ADAM32: variants seen among roughly 807,000 people sequenced by gnomAD.
ADAM32 encodes the protein ADAM metallopeptidase domain 32.
A neutral mutation model predicts 114.9 loss-of-function variants in ADAM32; 89 were observed. That is an observed-to-expected ratio of 0.77 (90% CI 0.65 to 0.92). The LOEUF is 0.92. Among genes scored for constraint, ADAM32 ranks in the 40% least tolerant of loss-of-function variants. ADAM32 has a pLI of 0.00. For missense variants in ADAM32, 870 were observed against 932.8 expected (o/e 0.93, Z 0.88); for synonymous variants, 285 against 307.5 (o/e 0.93, Z 0.77).
chr8:39,199,697 G>A (rs1048660870), intron 11 of ADAM32, among the ~76,000 whole-genome samples: 10 of 151,896 alleles, frequency 6.6e-5, no homozygotes, highest in Middle Eastern at 6.8e-3. Flanking sequence ...ATGTATACAT[G>A]TGCCATGTTG....
chr8:39,263,932 A>G (rs1213483795), intron 19 of ADAM32, among the ~76,000 whole-genome samples: 2 of 152,206 alleles, frequency 1.3e-5, no homozygotes, highest in African/African-American at 4.8e-5. Flanking sequence ...TAATTTACAC[A>G]TATTTTCAGT....
chr8:39,255,386 A>G (rs1439426485), intron 18 of ADAM32, among the ~76,000 whole-genome samples: 1 of 151,988 alleles, frequency 6.6e-6, no homozygotes, highest in Non-Finnish European at 1.5e-5. Flanking sequence ...CCATGCCAAC[A>G]TCTATTATTT....
At chr8:39,113,849 GA>G (rs1192805398) in intron 1 of ADAM32, among the ~76,000 whole-genome samples, 1 of 152,166 alleles carries the variant, frequency 6.6e-6, no homozygotes, top group Non-Finnish European at 1.5e-5. Context: ...GGAAGGTGGT[GA>G]AAATAGTATT....
rs189323005 is a variant in ADAM32, at chr8:39,243,207, A to C, written c.1819-2876A>C. On this transcript the variant is annotated intron_variant, in intron 16 of 24. Coordinates refer to ENST00000379907, the MANE Select transcript of ADAM32 (RefSeq NM_145004.7). ...CATACCTGAATTCTGTCAGAGATTA[A>C]TAAAAGAACTGGTACCAATCCTACT... Among the ~76,000 whole-genome samples the C allele has an allele frequency of 6.8e-4, 104 of 152,298 alleles. 1 individual carries two copies. In the East Asian group the frequency reaches 0.019, roughly 27 times the overall value.
rs138891294 is a variant in ADAM32, at chr8:39,272,046, T to C, written c.2201+1132T>C. 3.6e-4 allele frequency among the ~76,000 whole-genome samples: 54 copies of C among 148,016 alleles called. No individual in the cohort carries two copies. In the East Asian group the frequency reaches 0.01, roughly 28 times the overall value. ...ACTTGGGAGGCTGAGGTGGGAGGAT[T>C]CATTTAGCTTAGGAGTTCAAGACTG... On this transcript the variant is annotated intron_variant, in intron 20 of 24. Coordinates refer to ENST00000379907, the MANE Select transcript of ADAM32 (RefSeq NM_145004.7).
chr8:39,108,587 G>A (rs1840024154), intron 1 of ADAM32, among the ~76,000 whole-genome samples: 1 of 152,158 alleles, frequency 6.6e-6, no homozygotes, highest in Non-Finnish European at 1.5e-5. Context: ...CTGTGGAGAG[G>A]GAGGAAGTAA....
rs761221427 is a variant in ADAM32 at position 39,211,171 on chromosome 8, C to G, written c.1080C>G (p.Ser360Arg). ...AATCCAATGGTGTGAAGACTTTTAGCAGTTGCAGTTTGAGGAGCTTTCAAA... is the reference window on the plus strand; with the variant it reads ...AATCCAATGGTGTGAAGACTTTTAGGAGTTGCAGTTTGAGGAGCTTTCAAA... ...VVQSNGVKTF[S>R]SCSLRSFQNF... Residue 360 changes from serine to arginine, a missense_variant, in exon 12 of 25, where the codon AGC (serine) becomes AGG (arginine). Coordinates refer to ENST00000379907, the MANE Select transcript of ADAM32 (RefSeq NM_145004.7). 6.3e-7 allele frequency: 1 copy of G among 1,597,590 alleles called. No homozygotes were observed. Among genetic ancestry groups the G allele is most frequent in the East Asian group, 2.3e-5 (1 of 43,956 alleles).
intron 7 of ADAM32, among the ~76,000 whole-genome samples, chr8:39,162,377 A>C (rs897292379): frequency 6.6e-6 from 1 of 151,926 alleles, no homozygotes; most frequent in African/African-American, 2.4e-5. Flanking sequence ...TCCATGGTGT[A>C]TATGTGCCAC....
At chr8:39,115,704 G>A (rs1190914811) in intron 1 of ADAM32, among the ~76,000 whole-genome samples, 1 of 152,000 alleles carries the variant, frequency 6.6e-6, no homozygotes, top group Non-Finnish European at 1.5e-5. Flanking sequence ...TATTTACTTG[G>A]TTGGTAATTT....
At chr8:39,199,163 G>T (rs915683188) in intron 11 of ADAM32, among the ~76,000 whole-genome samples, 1 of 152,088 alleles carries the variant, frequency 6.6e-6, no homozygotes, top group Non-Finnish European at 1.5e-5. Flanking sequence ...TTGAATTTTG[G>T]TAGTTTGACT....
chr8:39,253,070 T>C (rs1261499593), intron 17 of ADAM32, among the ~76,000 whole-genome samples: 1 of 151,614 alleles, frequency 6.6e-6, no homozygotes, highest in Non-Finnish European at 1.5e-5. Context: ...TAACAAACTA[T>C]ATTTGCCGCA....
At chr8:39,183,434 C>G (rs1417148702) in intron 10 of ADAM32, among the ~76,000 whole-genome samples, 1 of 152,202 alleles carries the variant, frequency 6.6e-6, no homozygotes, top group African/African-American at 2.4e-5. Flanking sequence ...ACTCTGCATG[C>G]AGTGCCGCAC....
chr8:39,224,388 C>A (rs1308745477), intron 14 of ADAM32, among the ~76,000 whole-genome samples: 1 of 152,210 alleles, frequency 6.6e-6, no homozygotes, highest in Non-Finnish European at 1.5e-5. Context: ...TATATTCCCA[C>A]TGACAGTGTA....
intron 22 of ADAM32, among the ~76,000 whole-genome samples, chr8:39,277,058 A>G (rs1813120360): frequency 6.6e-6 from 1 of 152,212 alleles, no homozygotes; most frequent in South Asian, 2.1e-4. Flanking sequence ...ACAAATCTAT[A>G]TATATATGTG....
intron 11 of ADAM32, among the ~76,000 whole-genome samples, chr8:39,194,016 T>A (rs1464397701): frequency 1.3e-5 from 2 of 152,094 alleles, no homozygotes; most frequent in African/African-American, 4.8e-5. Flanking sequence ...GTGGGGTGCA[T>A]GCTTGTCAGT....
chr8:39,203,092 G>C (rs1337593419), intron 11 of ADAM32, among the ~76,000 whole-genome samples: 1 of 152,188 alleles, frequency 6.6e-6, no homozygotes, highest in African/African-American at 2.4e-5. Flanking sequence ...GTGGTGCTGA[G>C]AAGCATGTAT....
At chr8:39,116,226 A>G (rs937503132) in intron 1 of ADAM32, among the ~76,000 whole-genome samples, 22 of 152,120 alleles carry the variant, frequency 1.4e-4, no homozygotes, top group African/African-American at 4.8e-4. Context: ...GGGCTCTTTT[A>G]TGGTTCCATA....
At chr8:39,146,190 A>C (rs766175335) in intron 3 of ADAM32, among the ~76,000 whole-genome samples, 1 of 152,116 alleles carries the variant, frequency 6.6e-6, no homozygotes, top group Non-Finnish European at 1.5e-5. Flanking sequence ...GTGAACATGA[A>C]GTGAGGAAGC....
intron 11 of ADAM32, among the ~76,000 whole-genome samples, chr8:39,205,250 C>T (rs1357896991): frequency 6.6e-6 from 1 of 152,214 alleles, no homozygotes; most frequent in African/African-American, 2.4e-5. Flanking sequence ...GCAGGCAGGC[C>T]TCCTTGAGCT....
Sources: allele counts gnomAD v4.1 joint callset (sites outside exome capture counted in the v4.1 genomes callset), GRCh38; gene constraint gnomAD v4.1.1; transcripts MANE v1.5; gene names NCBI Gene and HGNC (gene_info 2026-07-23, HGNC 2026-07-21).